The following STK32B variants were observed in gnomAD, a reference collection of about 807,000 sequenced individuals.
STK32B encodes the protein serine/threonine-protein kinase 32B.
Under a neutral mutation model 52.6 loss-of-function variants are expected in STK32B, and 43 were observed. The ratio of observed to expected loss-of-function variants is 0.82; its 90% CI spans 0.64 to 1.05. The LOEUF (loss-of-function observed/expected upper bound fraction) is 1.05, where lower values mean the gene tolerates loss of function less well. Among genes scored for constraint, STK32B ranks in the 50% least tolerant of loss-of-function variants. The pLI is 0.00. For missense variants in STK32B, 621 were observed against 534.6 expected, an observed-to-expected ratio of 1.16 and a Z score of -1.59; for synonymous variants, 238 against 204.3, an observed-to-expected ratio of 1.17 and a Z score of -1.41.
chr4:5,121,611 T>C (rs1426123059), intron 1 of STK32B, among the ~76,000 whole-genome samples: 1 of 152,206 alleles, frequency 6.6e-6, no homozygotes, highest in Non-Finnish European at 1.5e-5. Flanking sequence ...AGGCATAATT[T>C]GTTGAGCAGG....
intron 3 of STK32B, among the ~76,000 whole-genome samples, chr4:5,232,523 C>T (rs1163070237): frequency 5.3e-5 from 8 of 152,152 alleles, no homozygotes. Context: ...TTAAGGGACT[C>T]CTTGAATTCT....
At chr4:5,482,061 A>G (rs1319037804) in intron 11 of STK32B, among the ~76,000 whole-genome samples, 1 of 152,098 alleles carries the variant, frequency 6.6e-6, no homozygotes, top group African/African-American at 2.4e-5. Context: ...TTGACTTGGC[A>G]ATGTGGGCTC....
chr4:5,146,057 T>TC (rs1247746805), intron 2 of STK32B, among the ~76,000 whole-genome samples: 2 of 130,166 alleles, frequency 1.5e-5, no homozygotes, highest in African/African-American at 5.5e-5. Flanking sequence ...AGTTGTTTTT[T>TC]TTTTTTTCCC....
At chr4:5,338,572 C>G (rs1053498363) in intron 4 of STK32B, among the ~76,000 whole-genome samples, 9 of 151,302 alleles carry the variant, frequency 5.9e-5, no homozygotes, top group Non-Finnish European at 1.5e-5. Flanking sequence ...TTCCCTGAGA[C>G]ACTAAGTCAT....
At chr4:5,497,708 G>A (rs1490527963) in intron 11 of STK32B, among the ~76,000 whole-genome samples, 1 of 104,868 alleles carries the variant, frequency 9.5e-6, no homozygotes, top group African/African-American at 7.8e-5. Flanking sequence ...TTCCCACTGT[G>A]CGCACACACA....
chr4:5,426,685 A>G lies in STK32B; in HGVS notation c.562+9751A>G, dbSNP rs1713123751. Among the ~76,000 whole-genome samples, 5 of 135,410 alleles carry G rather than the reference A, an allele frequency of 3.7e-5. No homozygotes were observed. The South Asian group carries it at 1.3e-3, about 34-fold the overall frequency. 88.8% of individuals were successfully genotyped at this position (135,410 alleles called of 152,430 possible). A position where few individuals can be genotyped will look rare whatever the true frequency, so the allele number is the denominator to read the frequency against. On this transcript the variant is annotated intron_variant, in intron 6 of 11. Transcript: ENST00000282908. The stretch of plus-strand genomic sequence containing the variant: ...AGCCTGTGCAACAGGGCGAGACTCC[A>G]TCTAAACAAAAAAAAAAAAAAAAAA...
chr4:5,253,382 T>C (rs898466957), intron 3 of STK32B, among the ~76,000 whole-genome samples: 2 of 152,148 alleles, frequency 1.3e-5, no homozygotes, highest in African/African-American at 4.8e-5. Flanking sequence ...GTTGTTGTTG[T>C]TGTTGTTGTT....
rs557336962 is a variant in STK32B, at chr4:5,140,435, C to A, written c.108+475C>A. 10 of 557,846 alleles carry A rather than the reference C, an allele frequency of 1.8e-5. No individual in the cohort carries two copies. The South Asian group carries it at 3.9e-4, about 22-fold the overall frequency. 34.6% of individuals were successfully genotyped at this position (557,846 alleles called of 1,614,324 possible). On this transcript the variant is annotated intron_variant, in intron 2 of 11. Coordinates refer to ENST00000282908, the MANE Select transcript of STK32B (RefSeq NM_018401.3). ...AAGCTCCAGTCTGTTCCCACATACT[C>A]AGAAATTTTTTTTTTTGGCAATAAT...
At chr4:5,352,963 C>G (rs957155397) in intron 4 of STK32B, among the ~76,000 whole-genome samples, 1 of 152,014 alleles carries the variant, frequency 6.6e-6, no homozygotes, top group African/African-American at 2.4e-5. Flanking sequence ...CAATCCTAAG[C>G]ATAAAGGACA....
At position 5,251,447 on chromosome 4, in the gene STK32B, T is replaced by C. The variant is rs188062278; in HGVS notation, c.261-79773T>C. ...TATTCTGTTCCATTGATCTGGTATT[T>C]TTGTACCAGTACCATGCTATTTTGT... is the stretch of plus-strand genomic sequence containing the variant. On this transcript the variant is annotated intron_variant, in intron 3 of 11. Coordinates refer to ENST00000282908, the MANE Select transcript of STK32B (RefSeq NM_018401.3). Among the ~76,000 whole-genome samples, 13 of 152,308 alleles carry C rather than the reference T, an allele frequency of 8.5e-5. No homozygotes were observed. In the East Asian group the frequency reaches 1.5e-3, roughly 18 times the overall value.
chr4:5,181,750 T>TGATA (rs1178027488), intron 3 of STK32B, among the ~76,000 whole-genome samples: 2 of 152,268 alleles, frequency 1.3e-5, no homozygotes, highest in African/African-American at 4.8e-5. Flanking sequence ...AAAATGCTAA[T>TGATA]GATTATCTGA....
the STK32B span, among the ~76,000 whole-genome samples, chr4:5,028,179 G>C: frequency 3.9e-5 from 6 of 152,202 alleles, no homozygotes; most frequent in African/African-American, 1.4e-4. Context: ...TGTCACAGAG[G>C]CTGGAGTGCA....
chr4:5,083,317 G>A (rs539579222), intron 1 of STK32B, among the ~76,000 whole-genome samples: 30 of 152,158 alleles, frequency 2.0e-4, no homozygotes, highest in African/African-American at 7.0e-4. Flanking sequence ...TTTCATTTTG[G>A]TTTATGGAGT....
intron 3 of STK32B, among the ~76,000 whole-genome samples, chr4:5,188,793 A>G (rs1460085071): frequency 6.9e-6 from 1 of 145,912 alleles, no homozygotes; most frequent in African/African-American, 2.5e-5. Flanking sequence ...TTTTTTTTCT[A>G]AGAAGACTTT....
At chr4:5,247,034 G>T (rs918406824) in intron 3 of STK32B, among the ~76,000 whole-genome samples, 4 of 152,214 alleles carry the variant, frequency 2.6e-5, no homozygotes, top group Non-Finnish European at 4.4e-5. Context: ...ACCCACTTGA[G>T]GAGGTGGTCT....
intron 1 of STK32B, among the ~76,000 whole-genome samples, chr4:5,099,777 G>A (rs533625829): frequency 6.6e-5 from 10 of 152,188 alleles, no homozygotes; most frequent in Admixed American, 3.3e-4. Flanking sequence ...TGCCTTCTAG[G>A]GACAGCAGGC....
chr4:5,167,309 T>G (rs1442046076), intron 2 of STK32B, among the ~76,000 whole-genome samples: 3 of 152,210 alleles, frequency 2.0e-5, no homozygotes, highest in Admixed American at 6.5e-5. Flanking sequence ...ATTAGTACAC[T>G]TGGGGCTACA....
At chr4:5,185,508 C>T (rs1386961576) in intron 3 of STK32B, among the ~76,000 whole-genome samples, 3 of 152,168 alleles carry the variant, frequency 2.0e-5, no homozygotes, top group African/African-American at 7.2e-5. Flanking sequence ...GAAGGCAGAG[C>T]CGATCTGGCT....
At chr4:5,457,539 T>C (rs554893379) in intron 8 of STK32B, among the ~76,000 whole-genome samples, 28 of 151,588 alleles carry the variant, frequency 1.8e-4, no homozygotes, top group South Asian at 6.3e-4. Flanking sequence ...TTAAATCTGC[T>C]GCACATGGTC....
Sources: gnomAD v4.1 joint callset for allele counts (sites outside exome capture counted in the v4.1 genomes callset) on GRCh38, gnomAD v4.1.1 for gene constraint, MANE v1.5 for transcripts, NCBI Gene and HGNC (gene_info 2026-07-23, HGNC 2026-07-21) for gene names.